ZFHX3: variants seen among roughly 807,000 people sequenced by gnomAD.
ZFHX3 encodes zinc finger homeobox protein 3.
Under a neutral mutation model 279.1 loss-of-function variants are expected in ZFHX3, and 42 were observed. That is an observed-to-expected ratio of 0.15 (90% confidence interval 0.12 to 0.19). The LOEUF is 0.19. ZFHX3 is among the 10% of genes least tolerant of loss of function. ZFHX3 has a pLI of 1.00. For synonymous variants in ZFHX3, 2,293 were observed against 1,957.8 expected (o/e 1.17, Z -4.52); for missense variants, 4,981 against 4,754.0 (o/e 1.05, Z -1.40).
intron 5 of ZFHX3, among the ~76,000 whole-genome samples, chr16:73,194,109 T>C (rs1013486948): frequency 5.3e-5 from 8 of 152,196 alleles, no homozygotes; most frequent in Admixed American, 5.2e-4. Context: ...ACATATATCT[T>C]CAGGGTGTTC....
chr16:73,161,974 A>G (rs1394037781), intron 5 of ZFHX3, among the ~76,000 whole-genome samples: 1 of 152,230 alleles, frequency 6.6e-6, no homozygotes, highest in Non-Finnish European at 1.5e-5. Flanking sequence ...ATACTTGGGA[A>G]CAGCCCATTG....
intron 3 of ZFHX3, among the ~76,000 whole-genome samples, chr16:73,377,759 C>G (rs566725043): frequency 1.3e-5 from 2 of 151,302 alleles, no homozygotes; most frequent in African/African-American, 4.9e-5. Flanking sequence ...ACAGGCCAGG[C>G]GCGGTGGCTC....
intron 1 of ZFHX3, among the ~76,000 whole-genome samples, chr16:73,784,872 C>A (rs1046006903): frequency 1.3e-5 from 2 of 150,238 alleles, no homozygotes; most frequent in Non-Finnish European, 3.0e-5. Flanking sequence ...TCCATAAGTC[C>A]TCTAATGAGG....
rs748002487 is a variant in ZFHX3, at chr16:72,794,558, C to T, written c.8124G>A (p.Gln2708=). Residue 2708 remains glutamine, a synonymous_variant, in exon 9 of 10, where the codon CAG becomes CAA. Coordinates refer to ENST00000268489, the MANE Select transcript of ZFHX3 (RefSeq NM_006885.4). The surrounding 1 kb of genome is among the most constrained non-coding windows in gnomAD (Gnocchi z 4.2). ...TGCAAAAAGGGCATCTCCTGTGGGCCTGCGCTGGGCCTACAGCCCGGAACT... is the reference window on the plus strand; with the variant it reads ...TGCAAAAAGGGCATCTCCTGTGGGCTTGCGCTGGGCCTACAGCCCGGAACT... The part of the protein sequence containing the change: ...KGQFRAVGPA[Q]AHRRCPFCRA... 1.2e-6 allele frequency: 2 copies of T among 1,614,232 alleles called. No individual in the cohort carries two copies. The highest frequency in any genetic ancestry group is 1.1e-5 in the South Asian group (1 of 91,090).
intron 5 of ZFHX3, among the ~76,000 whole-genome samples, chr16:73,239,015 C>T (rs1024121940): frequency 2.6e-5 from 4 of 152,172 alleles, no homozygotes; most frequent in Non-Finnish European, 5.9e-5. Context: ...TCACAATGAC[C>T]AAGTTTTCCC....
upstream of ZFHX3, chr16:73,059,785 C>T (rs1682116391): frequency 6.6e-6 from 1 of 152,122 alleles, no homozygotes; most frequent in South Asian, 2.1e-4. Context: ...AACTTTAACA[C>T]ATACCATAGA....
Position 73,760,986 on chromosome 16 carries a change from G to T in ZFHX3, c.-1607-80746C>A, listed in dbSNP as rs536009012. Among the ~76,000 whole-genome samples the T allele has an allele frequency of 1.9e-3, 184 of 97,536 alleles. 1 individual carries two copies. Among genetic ancestry groups the T allele is most frequent in the Non-Finnish European group, 2.3e-3 (112 of 49,454 alleles). 64.0% of individuals were successfully genotyped at this position (97,536 alleles called of 152,430 possible). On this transcript the variant is annotated intron_variant, in intron 1 of 17. Coordinates refer to the ZFHX3 transcript ENST00000641206. Reference sequence around the variant, plus strand: ...TGGAAGCTCTGGCCAGGGCAATCAGGCAAGAAAAAGAAAAAAAAAAAAAAG... The same window carrying T: ...TGGAAGCTCTGGCCAGGGCAATCAGTCAAGAAAAAGAAAAAAAAAAAAAAG...
In ZFHX3 at chr16:73,616,549, ACCTATTGTT is replaced by A. The variant is rs147953792; in HGVS notation, c.-1547+63622_-1547+63630del. On this transcript the variant is annotated intron_variant, in intron 2 of 17. Coordinates refer to the ZFHX3 transcript ENST00000641206. ...TTTGTAACTCACACCTCACTAGTGG[ACCTATTGTT>A]CCTGTGTTCTCCTGGGGAAGCTCAA... Among the ~76,000 whole-genome samples the A allele has an allele frequency of 2.0e-3, 300 of 151,800 alleles. 3 individuals carry two copies. The East Asian group carries it at 0.023, about 12-fold the overall frequency.
chr16:73,292,012 C>G (rs143505395), intron 4 of ZFHX3, among the ~76,000 whole-genome samples: 1 of 152,154 alleles, frequency 6.6e-6, no homozygotes, highest in Non-Finnish European at 1.5e-5. Flanking sequence ...ATGCCTGGAA[C>G]TGAAGTTTCT....
chr16:72,880,662 A>G (rs1008143055), intron 4 of ZFHX3, among the ~76,000 whole-genome samples: 2 of 152,202 alleles, frequency 1.3e-5, no homozygotes. Context: ...TTGGGTTGAA[A>G]CAACAGATGG....
rs1475817924 is a variant in ZFHX3, at chr16:72,939,851, C to T, written c.3216+10618G>A. Among the ~76,000 whole-genome samples, 4 of 150,812 alleles carry T rather than the reference C, an allele frequency of 2.7e-5. No homozygotes were observed. The East Asian group carries it at 7.7e-4, about 29-fold the overall frequency. On this transcript the variant is annotated intron_variant, in intron 3 of 9. Coordinates refer to ENST00000268489, the MANE Select transcript of ZFHX3 (RefSeq NM_006885.4). ...TGTGTGCAGTGCTGTGATCATGGCT[C>T]ACTGCAGCCTTGACCTCCTCGGCTC...
At chr16:73,811,516 C>T (rs943249781) in intron 1 of ZFHX3, among the ~76,000 whole-genome samples, 2 of 147,430 alleles carry the variant, frequency 1.4e-5, no homozygotes, top group Admixed American at 1.4e-4. Context: ...GTGATCTCAG[C>T]TCACTGTAAC....
At chr16:73,217,055 A>C (rs1202312731) in intron 5 of ZFHX3, among the ~76,000 whole-genome samples, 1 of 152,224 alleles carries the variant, frequency 6.6e-6, no homozygotes, top group Non-Finnish European at 1.5e-5. Flanking sequence ...AGCTGAAAGC[A>C]GGCTGAAGTT....
chr16:72,994,750 T>G (rs572544071), intron 1 of ZFHX3, among the ~76,000 whole-genome samples: 3 of 152,236 alleles, frequency 2.0e-5, no homozygotes, highest in Non-Finnish European at 4.4e-5. Context: ...ACAGAACCAG[T>G]GCTCAGCACC....
At position 72,797,681 on chromosome 16, in the gene ZFHX3, A is replaced by C. The variant is rs1398278516; in HGVS notation, c.5001T>G (p.Asn1667Lys). The change falls in exon 9 of 10, where the codon AAT becomes AAG. Residue 1667 changes from asparagine to lysine, a missense_variant. Coordinates refer to ENST00000268489, the MANE Select transcript of ZFHX3 (RefSeq NM_006885.4). The part of the protein sequence containing the change: ...TSGSNTFTTS[N>K]PSSAGIAPSS... ...TTGGAGCAATGCCAGCACTGCTTGG[A>C]TTGGAGGTGGTAAAGGTGTTACTGC... 1.2e-6 allele frequency: 2 copies of C among 1,613,930 alleles called. No homozygotes were observed. Among genetic ancestry groups the C allele is most frequent in the African/African-American group, 1.3e-5 (1 of 74,862 alleles).
chr16:73,867,675 G>A (rs896477300), intron 1 of ZFHX3, among the ~76,000 whole-genome samples: 9 of 152,128 alleles, frequency 5.9e-5, no homozygotes, highest in Non-Finnish European at 1.3e-4. Flanking sequence ...AAGGTATAGT[G>A]GACACCTATC....
chr16:73,039,070 T>C (rs1965014892), intron 1 of ZFHX3, among the ~76,000 whole-genome samples: 1 of 150,806 alleles, frequency 6.6e-6, no homozygotes, highest in Admixed American at 6.6e-5. Flanking sequence ...TGCCTCAGCC[T>C]CTTGAGTGGC....
At chr16:72,930,672 T>G (rs973061529) in intron 3 of ZFHX3, among the ~76,000 whole-genome samples, 3 of 152,190 alleles carry the variant, frequency 2.0e-5, no homozygotes, top group African/African-American at 7.2e-5. Flanking sequence ...CAATAGTGAA[T>G]AACAGATCAG....
intron 1 of ZFHX3, among the ~76,000 whole-genome samples, chr16:73,009,756 C>T (rs1963845487): frequency 6.6e-6 from 1 of 152,134 alleles, no homozygotes; most frequent in African/African-American, 2.4e-5. Context: ...CATGGTGGCT[C>T]ACACCTGTAA....
Sources: gnomAD v4.1 joint callset for allele counts (sites outside exome capture counted in the v4.1 genomes callset) on GRCh38, gnomAD v4.1.1 for gene constraint, Gnocchi (gnomAD v3.1) non-coding constraint, MANE v1.5 for transcripts, NCBI Gene and HGNC (gene_info 2026-07-23, HGNC 2026-07-21) for gene names.